AGTPBP1: variants seen among roughly 807,000 people sequenced by gnomAD.
AGTPBP1 encodes the protein cytosolic carboxypeptidase 1.
Under a neutral mutation model 143.9 loss-of-function variants are expected in AGTPBP1, and 70 were observed. That is an observed-to-expected ratio of 0.49 (90% CI 0.40 to 0.59). AGTPBP1 has a LOEUF of 0.59. AGTPBP1 is among the 20% of genes least tolerant of loss of function. AGTPBP1 has a pLI of 0.00. For missense variants in AGTPBP1, 1,229 were observed against 1,464.5 expected (o/e 0.84, Z 2.62); for synonymous variants, 463 against 500.2 (o/e 0.93, Z 0.99).
At chr9:85,700,248 C>T (rs772965425) in intron 2 of AGTPBP1, among the ~76,000 whole-genome samples, 1 of 152,178 alleles carries the variant, frequency 6.6e-6, no homozygotes, top group Non-Finnish European at 1.5e-5. Flanking sequence ...CTCCACAATC[C>T]CCTTGGCTTA....
chr9:85,723,805 T>G (rs1838288152), intron 1 of AGTPBP1, among the ~76,000 whole-genome samples: 1 of 152,184 alleles, frequency 6.6e-6, no homozygotes. Context: ...TGTTCCTATT[T>G]GGTCATCTTG....
At chr9:85,778,833 C>T in the AGTPBP1 span, among the ~76,000 whole-genome samples, 1 of 152,320 alleles carries the variant, frequency 6.6e-6, no homozygotes, top group African/African-American at 2.4e-5. Flanking sequence ...TGAGGAGCAA[C>T]CAACCAGCTT....
intron 18 of AGTPBP1, among the ~76,000 whole-genome samples, chr9:85,594,829 T>G (rs1829193840): frequency 6.6e-6 from 1 of 152,192 alleles, no homozygotes. Context: ...TTTTGCAACG[T>G]GAAAAAGCAT....
chr9:85,756,368 G>A, the AGTPBP1 span: 3 of 1,096,668 alleles, frequency 2.7e-6, no homozygotes, highest in South Asian at 2.4e-5. Context: ...GAGAAATTGG[G>A]ACCTTCATAC....
At chr9:85,730,366 A>G (rs1222044030) in intron 1 of AGTPBP1, among the ~76,000 whole-genome samples, 1 of 152,148 alleles carries the variant, frequency 6.6e-6, no homozygotes, top group East Asian at 1.9e-4. Context: ...CTGACATGAC[A>G]TTAAGCTGTG....
At chr9:85,636,264 T>C (rs1254264795) in intron 13 of AGTPBP1, among the ~76,000 whole-genome samples, 3 of 126,058 alleles carry the variant, frequency 2.4e-5, no homozygotes, top group Admixed American at 8.7e-5. Context: ...GGTTTCTTTT[T>C]TTTTTTTTTT....
chr9:85,779,176 T>TATATAGATATAGATATAGATATAG, the AGTPBP1 span, among the ~76,000 whole-genome samples: 156 of 133,722 alleles, frequency 1.2e-3, 1 homozygote, highest in Non-Finnish European at 1.9e-3. Flanking sequence ...TAATAGGAGA[T>TATATAGATATAGATATAGATATAG]ATATAGATAT....
At chr9:85,702,661 T>C (rs934708117) in intron 2 of AGTPBP1, among the ~76,000 whole-genome samples, 5 of 139,430 alleles carry the variant, frequency 3.6e-5, no homozygotes, top group African/African-American at 9.1e-5. Context: ...CTCTCTCTCT[T>C]TTTTTTTTTT....
At chr9:85,661,119 T>C (rs1177736035) in intron 8 of AGTPBP1, 146 bp from the exon 9 acceptor site, 1 of 592,830 alleles carries the variant, frequency 1.7e-6, no homozygotes, top group Non-Finnish European at 2.8e-6. Flanking sequence ...ACACATGGTA[T>C]TTCTCCGTAT....
At chr9:85,775,445 T>C in the AGTPBP1 span, among the ~76,000 whole-genome samples, 1 of 150,904 alleles carries the variant, frequency 6.6e-6, no homozygotes, top group Non-Finnish European at 1.5e-5. Flanking sequence ...GAAAGCAGCC[T>C]GGGCAGCATA....
chr9:85,720,667 G>A (rs1486450455), intron 1 of AGTPBP1, among the ~76,000 whole-genome samples: 1 of 151,532 alleles, frequency 6.6e-6, no homozygotes, highest in Non-Finnish European at 1.5e-5. Flanking sequence ...CTCTCCTTCA[G>A]TTCTGCTCTA....
intron 25 of AGTPBP1, among the ~76,000 whole-genome samples, chr9:85,551,481 A>C (rs1386751011): frequency 6.6e-6 from 1 of 152,164 alleles, no homozygotes; most frequent in Non-Finnish European, 1.5e-5. Flanking sequence ...CTCAGTACTA[A>C]ATCACAAGTG....
chr9:85,644,168 TA>T (rs1832668371), intron 12 of AGTPBP1, among the ~76,000 whole-genome samples: 1 of 151,926 alleles, frequency 6.6e-6, no homozygotes, highest in Non-Finnish European at 1.5e-5. Flanking sequence ...ATATGCATAA[TA>T]GAGATTGATT....
At chr9:85,645,065 C>T (rs1832731338) in intron 12 of AGTPBP1, among the ~76,000 whole-genome samples, 1 of 152,082 alleles carries the variant, frequency 6.6e-6, no homozygotes, top group Non-Finnish European at 1.5e-5. Context: ...GGCTCCACCT[C>T]TTATAAACTA....
chr9:85,778,542 G>A, the AGTPBP1 span, among the ~76,000 whole-genome samples: 2 of 152,200 alleles, frequency 1.3e-5, no homozygotes, highest in Non-Finnish European at 2.9e-5. Flanking sequence ...CTATTGCAGA[G>A]CCTTCTCCTG....
intron 14 of AGTPBP1, among the ~76,000 whole-genome samples, chr9:85,622,399 A>C (rs1830991428): frequency 6.6e-6 from 1 of 152,196 alleles, no homozygotes; most frequent in Admixed American, 6.5e-5. Flanking sequence ...ATAGTTTAGA[A>C]ATATATGTAA....
In AGTPBP1 at chr9:85,660,990, A is replaced by C; in HGVS notation, c.663-17T>G. 6.3e-7 allele frequency: 1 copy of C among 1,587,182 alleles called. No homozygotes were observed. Among genetic ancestry groups the C allele is most frequent in the Non-Finnish European group, 8.5e-7 (1 of 1,169,764 alleles). On this transcript the variant is annotated splice_polypyrimidine_tract_variant and intron_variant, in intron 8 of 25. Coordinates refer to ENST00000357081, the MANE Select transcript of AGTPBP1 (RefSeq NM_001330701.2). The stretch of plus-strand genomic sequence containing the variant: ...AAAGCAACCCTGTCAACACAACAAG[A>C]AAACACAAACAACAACAAAACTAGT...
At chr9:85,765,451 T>C in the AGTPBP1 span, among the ~76,000 whole-genome samples, 7 of 152,184 alleles carry the variant, frequency 4.6e-5, no homozygotes, top group African/African-American at 1.7e-4. Context: ...CTTTTAGTTA[T>C]AGTTACAGTT....
chr9:85,759,937 A>T, the AGTPBP1 span, among the ~76,000 whole-genome samples: 1 of 152,178 alleles, frequency 6.6e-6, no homozygotes, highest in Admixed American at 6.5e-5. Context: ...TAAAGGGGAT[A>T]TCACCACCGA....
Sources: allele counts gnomAD v4.1 joint callset (sites outside exome capture counted in the v4.1 genomes callset), GRCh38; gene constraint gnomAD v4.1.1; transcripts MANE v1.5; gene names NCBI Gene and HGNC (gene_info 2026-07-23, HGNC 2026-07-21).